KIRREL3: variants seen among roughly 807,000 people sequenced by gnomAD.
The protein encoded by KIRREL3 is kirre like nephrin family adhesion molecule 3.
Under a neutral mutation model 89.7 loss-of-function variants are expected in KIRREL3, and 36 were observed. That is an observed-to-expected ratio of 0.40 (90% CI 0.31 to 0.53). KIRREL3 has a LOEUF of 0.53. Ranked by LOEUF, KIRREL3 falls within the 20% of genes least tolerant of loss-of-function variation. The pLI, the probability that KIRREL3 is intolerant of heterozygous loss-of-function variation, is 0.49. For missense variants in KIRREL3, 864 were observed against 1,056.6 expected (o/e 0.82, Z 2.53); for synonymous variants, 445 against 441.4 (o/e 1.01, Z -0.10).
chr11:126,542,182 A>G (rs1429930199), intron 2 of KIRREL3, among the ~76,000 whole-genome samples: 2 of 152,214 alleles, frequency 1.3e-5, no homozygotes, highest in African/African-American at 4.8e-5. Flanking sequence ...GGTCTGAAGC[A>G]CGAGGTGCCT....
intron 11 of KIRREL3, among the ~76,000 whole-genome samples, chr11:126,437,653 CAT>C (rs561506286): frequency 5.1e-4 from 77 of 152,244 alleles, no homozygotes; most frequent in African/African-American, 1.7e-3. Flanking sequence ...ATGATACAGA[CAT>C]GTACATACAC....
intron 1 of KIRREL3, among the ~76,000 whole-genome samples, chr11:126,998,471 G>A (rs1448858470): frequency 3.1e-4 from 47 of 152,280 alleles, no homozygotes; most frequent in Admixed American, 6.5e-5. Flanking sequence ...TTGGTAGGGT[G>A]GACAGTGATG....
In KIRREL3 at chr11:126,755,056, T is replaced by C. The variant is rs764591117; in HGVS notation, c.56-192144A>G. On this transcript the variant is annotated intron_variant, in intron 1 of 16. Transcript: ENST00000525144. The surrounding 1 kb of genome is among the most constrained non-coding windows in gnomAD (Gnocchi z 4.3). ...CCCAAGGAACCCAGATAAGAGTATC[T>C]TAATCAAATAAAAAAAGCATTAGGC... 2.0e-5 allele frequency among the ~76,000 whole-genome samples: 3 copies of C among 152,282 alleles called. No individual in the cohort carries two copies. Among genetic ancestry groups the C allele is most frequent in the Middle Eastern group, 3.4e-3 (1 of 294 alleles).
rs115255372 is a variant in KIRREL3, at chr11:126,615,165, T to C, written c.56-52253A>G. Among the ~76,000 whole-genome samples the C allele has an allele frequency of 0.012, 1,866 of 152,220 alleles. 31 individuals carry two copies. Among genetic ancestry groups the C allele is most frequent in the African/African-American group, 0.042 (1,743 of 41,512 alleles). On this transcript the variant is annotated intron_variant, in intron 1 of 16. Coordinates refer to ENST00000525144, the MANE Select transcript of KIRREL3 (RefSeq NM_032531.4). The surrounding 1 kb of genome is among the most constrained non-coding windows in gnomAD (Gnocchi z 5.4). The stretch of plus-strand genomic sequence containing the variant: ...AAGAATTGTAATGTAGAGCTGTGCT[T>C]CATATTCCCCGTGCATACCTCTGCC...
At position 126,491,498 on chromosome 11, in the gene KIRREL3, T is replaced by G. The variant is rs745329068; in HGVS notation, c.434-18032A>C. 6.6e-6 allele frequency among the ~76,000 whole-genome samples: 1 copy of G among 152,202 alleles called. No individual in the cohort carries two copies. The highest frequency in any genetic ancestry group is 2.1e-4 in the South Asian group (1 of 4,812). Reference sequence around the variant, plus strand: ...TCCCATCTGGGCCAGACTGTTGGACTCCAGTGTTGTCTGTCCCCCGAGTCG... The same window carrying G: ...TCCCATCTGGGCCAGACTGTTGGACGCCAGTGTTGTCTGTCCCCCGAGTCG... On this transcript the variant is annotated intron_variant, in intron 4 of 16. Coordinates refer to ENST00000525144, the MANE Select transcript of KIRREL3 (RefSeq NM_032531.4). This position sits in a 1 kb window ranked among gnomAD's most constrained non-coding sequence, Gnocchi z 5.5.
rs1262485490 is a variant in KIRREL3, at chr11:126,870,031, C to A, written c.55+130424G>T. ...CCTTTCCACAATTCATTTCAAATGC[C>A]CCTAAACAGTCCTCTAATCTTGAGT... is the stretch of plus-strand genomic sequence containing the variant. On this transcript the variant is annotated intron_variant, in intron 1 of 16. Transcript: ENST00000525144. This position sits in a 1 kb window ranked among gnomAD's most constrained non-coding sequence, Gnocchi z 4.4. Among the ~76,000 whole-genome samples the A allele has an allele frequency of 2.0e-5, 3 of 152,184 alleles. No individual in the cohort carries two copies. Among genetic ancestry groups the A allele is most frequent in the Non-Finnish European group, 4.4e-5 (3 of 68,032 alleles).
At chr11:126,503,416 A>G (rs1323162960) in intron 4 of KIRREL3, among the ~76,000 whole-genome samples, 1 of 152,056 alleles carries the variant, frequency 6.6e-6, no homozygotes, top group African/African-American at 2.4e-5. Context: ...GCAGGGACGA[A>G]TGGGTTTCAT....
chr11:126,435,944 T>TG (rs1955311577), intron 12 of KIRREL3, among the ~76,000 whole-genome samples: 1 of 152,184 alleles, frequency 6.6e-6, no homozygotes, highest in Non-Finnish European at 1.5e-5. Context: ...TAGCCCCTGC[T>TG]GGCAAAAGGG....
intron 11 of KIRREL3, among the ~76,000 whole-genome samples, chr11:126,437,346 ACAC>A (rs1565448972): frequency 6.6e-6 from 1 of 152,112 alleles, no homozygotes; most frequent in Non-Finnish European, 1.5e-5. Context: ...CATACTACAC[ACAC>A]CACAAATGTG....
Position 126,807,883 on chromosome 11 carries a change from C to T in KIRREL3, c.55+192572G>A, listed in dbSNP as rs748995547. 3.3e-5 allele frequency among the ~76,000 whole-genome samples: 5 copies of T among 152,090 alleles called. No homozygotes were observed. The highest frequency in any genetic ancestry group is 1.3e-4 in the Admixed American group (2 of 15,274). The stretch of plus-strand genomic sequence containing the variant: ...AATAATAGTCCTCATAGGAAGGTGA[C>T]GAAAGGAAGCTCAAGTTGTGTGACT... On this transcript the variant is annotated intron_variant, in intron 1 of 16. Transcript: ENST00000525144. This position sits in a 1 kb window ranked among gnomAD's most constrained non-coding sequence, Gnocchi z 4.3.
intron 1 of KIRREL3, among the ~76,000 whole-genome samples, chr11:126,992,953 C>G (rs954926064): frequency 6.6e-6 from 1 of 152,178 alleles, no homozygotes; most frequent in Non-Finnish European, 1.5e-5. Context: ...TGGCATTCAT[C>G]TACCCACCAT....
At chr11:126,749,024 C>A (rs185644136) in intron 1 of KIRREL3, among the ~76,000 whole-genome samples, 1 of 152,200 alleles carries the variant, frequency 6.6e-6, no homozygotes, top group Admixed American at 6.5e-5. Context: ...CCTCTCCCTG[C>A]AGTCTCCAGG....
In KIRREL3 at chr11:126,879,093, G is replaced by A. The variant is rs995763069; in HGVS notation, c.55+121362C>T. Among the ~76,000 whole-genome samples, 3 of 152,180 alleles carry A rather than the reference G, an allele frequency of 2.0e-5. No homozygotes were observed. Among genetic ancestry groups the A allele is most frequent in the African/African-American group, 7.2e-5 (3 of 41,446 alleles). On this transcript the variant is annotated intron_variant, in intron 1 of 16. Transcript: ENST00000525144. The surrounding 1 kb of genome is among the most constrained non-coding windows in gnomAD (Gnocchi z 5.4). ...TGCAGGCCAACCGGCAATTACAATG[G>A]CATCTTTCTTCCCATCACTGACAGC...
rs1433289550 is a variant in KIRREL3 at position 126,676,104 on chromosome 11, T to A, written c.56-113192A>T. 1.3e-5 allele frequency among the ~76,000 whole-genome samples: 2 copies of A among 152,162 alleles called. No individual in the cohort carries two copies. The highest frequency in any genetic ancestry group is 2.9e-5 in the Non-Finnish European group (2 of 68,030). On this transcript the variant is annotated intron_variant, in intron 1 of 16. Transcript: ENST00000525144. The surrounding 1 kb of genome is among the most constrained non-coding windows in gnomAD (Gnocchi z 4.5). ...AGTTTGGGACATACTGAATTTCAGA[T>A]GGTTTGGGGACATTCAGGTGTTTCA...
rs1949761666 is a variant in KIRREL3 at position 126,983,095 on chromosome 11, T to G, written c.55+17360A>C. On this transcript the variant is annotated intron_variant, in intron 1 of 16. Coordinates refer to ENST00000525144, the MANE Select transcript of KIRREL3 (RefSeq NM_032531.4). This position sits in a 1 kb window ranked among gnomAD's most constrained non-coding sequence, Gnocchi z 4.9. ...TGATATTATAATAACCATTTTGTAC[T>G]AAGCACCTATTATTTGATAATCCCC... is the stretch of plus-strand genomic sequence containing the variant. 6.6e-6 allele frequency among the ~76,000 whole-genome samples: 1 copy of G among 152,216 alleles called. No homozygotes were observed. The highest frequency in any genetic ancestry group is 2.4e-5 in the African/African-American group (1 of 41,450).
intron 1 of KIRREL3, among the ~76,000 whole-genome samples, chr11:126,712,229 G>A (rs1195504707): frequency 4.0e-5 from 6 of 151,392 alleles, no homozygotes; most frequent in African/African-American, 7.3e-5. Context: ...GCTGGCTGCC[G>A]GGCCCGAAGG....
chr11:127,000,763 C>A lies in KIRREL3; in HGVS notation c.-254G>T. On this transcript the variant is annotated 5_prime_UTR_variant, in exon 1 of 17. An upstream start codon of the reference 5' UTR is lost. Transcript: ENST00000525144. This position sits in a 1 kb window ranked among gnomAD's most constrained non-coding sequence, Gnocchi z 7.1. ...GCAATGTCCCCACTCGGAGAAGATC[C>A]ATTCTCTGGCTCTTGGCATCCCAGG... The A allele has an allele frequency of 2.0e-6, 1 of 512,298 alleles. No individual in the cohort carries two copies. The highest frequency in any genetic ancestry group is 3.4e-5 in the South Asian group (1 of 29,362). The allele number at this position is 512,298 out of a possible 1,614,324, so 31.7% of individuals were successfully genotyped here. A position where few individuals can be genotyped will look rare whatever the true frequency, so the allele number is the denominator to read the frequency against.
At position 126,719,429 on chromosome 11, in the gene KIRREL3, A is replaced by C. The variant is rs959997173; in HGVS notation, c.56-156517T>G. The stretch of plus-strand genomic sequence containing the variant: ...CTCTATTATTCCCAAATGTTGGAGG[A>C]CCTCAGGGCTTCTCCGAGCTGTCTA... On this transcript the variant is annotated intron_variant, in intron 1 of 16. Transcript: ENST00000525144. This position sits in a 1 kb window ranked among gnomAD's most constrained non-coding sequence, Gnocchi z 4.7. Among the ~76,000 whole-genome samples the C allele has an allele frequency of 7.2e-5, 11 of 152,024 alleles. No individual in the cohort carries two copies. The highest frequency in any genetic ancestry group is 1.5e-4 in the Non-Finnish European group (10 of 68,010).
Position 126,723,068 on chromosome 11 carries a change from G to C in KIRREL3, c.56-160156C>G, listed in dbSNP as rs565600540. On this transcript the variant is annotated intron_variant, in intron 1 of 16. Transcript: ENST00000525144. The surrounding 1 kb of genome is among the most constrained non-coding windows in gnomAD (Gnocchi z 4.0). ...CTTCTGTGGCTGCACATAGTGTACG[G>C]TAGGTATTGCGGTATTTGACACATG... Among the ~76,000 whole-genome samples, 6 of 152,274 alleles carry C rather than the reference G, an allele frequency of 3.9e-5. No individual in the cohort carries two copies. The South Asian group carries it at 1.2e-3, about 32-fold the overall frequency.
Sources: allele counts gnomAD v4.1 joint callset (sites outside exome capture counted in the v4.1 genomes callset), GRCh38; gene constraint gnomAD v4.1.1; non-coding constraint Gnocchi (gnomAD v3.1); transcripts MANE v1.5; gene names NCBI Gene and HGNC (gene_info 2026-07-23, HGNC 2026-07-21).